Variants in KIAA0930 observed in about 807,000 individuals in gnomAD.
KIAA0930 encodes uncharacterized protein KIAA0930.
In KIAA0930, 24 loss-of-function variants were observed where a neutral mutation model predicts 43.9. That is an observed-to-expected ratio of 0.55 (90% CI 0.40 to 0.77). The LOEUF is 0.77. Ranked by LOEUF, KIAA0930 falls within the 30% of genes least tolerant of loss-of-function variation. The pLI, the probability that KIAA0930 is intolerant of heterozygous loss-of-function variation, is 0.00. For synonymous variants in KIAA0930, 259 were observed against 216.4 expected, an observed-to-expected ratio of 1.20 and a Z score of -1.73; for missense variants, 461 against 574.2, an observed-to-expected ratio of 0.80 and a Z score of 2.02.
chr22:45,214,833 C>T (rs2083721554), intron 1 of KIAA0930, among the ~76,000 whole-genome samples: 1 of 152,110 alleles, frequency 6.6e-6, no homozygotes, highest in Non-Finnish European at 1.5e-5. Flanking sequence ...CACTTGAGCC[C>T]AGGAGTTCGA....
chr22:45,197,493 G>A lies in KIAA0930; in HGVS notation c.1175-277C>T, dbSNP rs570423605. On this transcript the variant is annotated intron_variant, in intron 9 of 9. Transcript: ENST00000336156. Reference sequence around the variant, plus strand: ...TCACAGCTGCTGCAGGCCTGGGTCAGCGAGGTGGCCTGAGAGCCTCCCCTC... The same window carrying A: ...TCACAGCTGCTGCAGGCCTGGGTCAACGAGGTGGCCTGAGAGCCTCCCCTC... Among the ~76,000 whole-genome samples the A allele has an allele frequency of 5.9e-5, 9 of 152,346 alleles. No homozygotes were observed. The East Asian group carries it at 1.7e-3, about 29-fold the overall frequency.
intron 1 of KIAA0930, among the ~76,000 whole-genome samples, chr22:45,228,192 C>G (rs941820662): frequency 2.6e-5 from 4 of 152,102 alleles, no homozygotes; most frequent in Non-Finnish European, 4.4e-5. Flanking sequence ...GCTTGTCTTG[C>G]TTCCTTCACT....
Position 45,203,911 on chromosome 22 carries a change from C to A in KIAA0930, c.591G>T (p.Thr197=), listed in dbSNP as rs758379329. Residue 197 remains threonine (T), a synonymous_variant, in exon 6 of 10, where the codon ACG becomes ACT. Transcript: ENST00000336156. ...AGCCCTGAAAGATGACCCCCTGGAA[C>A]GTGTTGGTTTTGTCACTAGCCACCA... The part of the protein sequence containing the change: ...VELVASDKTN[T]FQGVIFQGSI... The A allele has an allele frequency of 2.0e-5, 32 of 1,613,782 alleles. No individual in the cohort carries two copies. Among genetic ancestry groups the A allele is most frequent in the Non-Finnish European group, 2.5e-5 (29 of 1,179,952 alleles).
At chr22:45,199,404 C>T (rs1270781280) in intron 8 of KIAA0930, among the ~76,000 whole-genome samples, 1 of 152,128 alleles carries the variant, frequency 6.6e-6, no homozygotes, top group Non-Finnish European at 1.5e-5. Flanking sequence ...ACTGTGTCAC[C>T]AAAGAGCACG....
chr22:45,219,661 G>A (rs892780589), intron 1 of KIAA0930, among the ~76,000 whole-genome samples: 7 of 139,574 alleles, frequency 5.0e-5, no homozygotes, highest in Admixed American at 8.0e-5. Context: ...ATGTGATCTC[G>A]GCTCACTGCA....
At chr22:45,202,939 A>C (rs1167293970) in intron 7 of KIAA0930, 51 bp downstream of exon 7, 3 of 1,478,386 alleles carry the variant, frequency 2.0e-6, no homozygotes, top group Non-Finnish European at 2.8e-6. Context: ...GAGACGGTGG[A>C]AAGTGAACTT....
chr22:45,199,700 C>T (rs2083569276), intron 8 of KIAA0930, among the ~76,000 whole-genome samples, 173 bp downstream of exon 8: 1 of 152,178 alleles, frequency 6.6e-6, no homozygotes, highest in Admixed American at 6.5e-5. Context: ...GCCATTTCTG[C>T]CTGTCCCCAG....
At chr22:45,220,296 T>C (rs2083759606) in intron 1 of KIAA0930, among the ~76,000 whole-genome samples, 1 of 151,752 alleles carries the variant, frequency 6.6e-6, no homozygotes, top group Non-Finnish European at 1.5e-5. Flanking sequence ...CTACTAAAAA[T>C]ACAAAAAAAT....
At position 45,234,802 on chromosome 22, in the gene KIAA0930, G is replaced by A. The variant is rs546501902; in HGVS notation, c.64+5838C>T. ...CAGGCATTTAATGTTTGGAGTCTGA[G>A]CAACATGGGAAATGTGTTAGGAACC... On this transcript the variant is annotated intron_variant, in intron 1 of 9. Coordinates refer to ENST00000336156, the MANE Select transcript of KIAA0930 (RefSeq NM_001009880.2). Among the ~76,000 whole-genome samples, 8 of 152,324 alleles carry A rather than the reference G, an allele frequency of 5.3e-5. 1 individual carries two copies. The highest frequency in any genetic ancestry group is 1.7e-4 in the African/African-American group (7 of 41,570).
intron 1 of KIAA0930, among the ~76,000 whole-genome samples, chr22:45,214,050 G>A (rs2083716227): frequency 6.6e-6 from 1 of 151,982 alleles, no homozygotes; most frequent in African/African-American, 2.4e-5. Flanking sequence ...GGTGGCAGGC[G>A]CCTGTAGTCC....
intron 1 of KIAA0930, among the ~76,000 whole-genome samples, chr22:45,236,553 T>A (rs2083889806): frequency 6.6e-6 from 1 of 151,760 alleles, no homozygotes; most frequent in Non-Finnish European, 1.5e-5. Flanking sequence ...TCCACTGGGG[T>A]CCTGCCTCCA....
At chr22:45,219,589 T>G (rs1317295203) in intron 1 of KIAA0930, among the ~76,000 whole-genome samples, 36 of 135,392 alleles carry the variant, frequency 2.7e-4, no homozygotes, top group African/African-American at 1.1e-3. Context: ...ATTGTTTTTT[T>G]TTTTTTTTTT....
chr22:45,200,105 C>CT (rs1318778103), intron 7 of KIAA0930, 70 bp from the exon 8 acceptor site: 6 of 1,437,512 alleles, frequency 4.2e-6, no homozygotes, highest in East Asian at 5.3e-5. Flanking sequence ...AACGCCCCTC[C>CT]TATCCCACCC....
In KIAA0930 at chr22:45,212,016, A is replaced by T; in HGVS notation, c.156T>A (p.Leu52=). 1 of 1,613,752 alleles carries T rather than the reference A, an allele frequency of 6.2e-7. No homozygotes were observed. The highest frequency in any genetic ancestry group is 8.5e-7 in the Non-Finnish European group (1 of 1,180,002). Residue 52 remains leucine (L), a synonymous_variant, in exon 2 of 10, where the codon CTT becomes CTA. Transcript: ENST00000336156. ...ACGCCAGCTTCCGGCGCACATAGAAAAGCATGTCGTCCTGCCGGGGAGCCC... is the reference window on the plus strand; with the variant it reads ...ACGCCAGCTTCCGGCGCACATAGAATAGCATGTCGTCCTGCCGGGGAGCCC... ...EKWAPRQDDM[L]FYVRRKLAYS... is the part of the protein sequence containing the mutation.
chr22:45,222,509 T>G (rs560701753), intron 1 of KIAA0930, among the ~76,000 whole-genome samples: 1 of 152,020 alleles, frequency 6.6e-6, no homozygotes, highest in Non-Finnish European at 1.5e-5. Flanking sequence ...GAGGTCTCAC[T>G]ATGTTGCCCA....
intron 6 of KIAA0930, among the ~76,000 whole-genome samples, 189 bp downstream of exon 6, chr22:45,203,656 C>A (rs1375642862): frequency 6.6e-6 from 1 of 152,154 alleles, no homozygotes; most frequent in African/African-American, 2.4e-5. Context: ...TGGGCTGAGG[C>A]CGACCATGAA....
chr22:45,228,638 C>T (rs1289796898), intron 1 of KIAA0930, among the ~76,000 whole-genome samples: 1 of 151,836 alleles, frequency 6.6e-6, no homozygotes, highest in African/African-American at 2.4e-5. Flanking sequence ...CAATACCTCG[C>T]TCAAGGGCCA....
Position 45,194,052 on chromosome 22 carries a change from C to CTTTTTTTTTTTTTTTTTTTTTTT in KIAA0930, c.*3101_*3123dup, listed in dbSNP as rs71190644. 1 of 44,346 alleles carries CTTTTTTTTTTTTTTTTTTTTTTT rather than the reference C, an allele frequency of 2.3e-5. No individual in the cohort carries two copies. Among genetic ancestry groups the CTTTTTTTTTTTTTTTTTTTTTTT allele is most frequent in the African/African-American group, 9.1e-5 (1 of 11,034 alleles). 2.7% of individuals were successfully genotyped at this position (44,346 alleles called of 1,614,324 possible). ...GGTTTGGGTTTAAAGACCAATGTAT[C>CTTTTTTTTTTTTTTTTTTTTTTT]TTTTTTTTTTTTTTTTTTTTTTTTT... On this transcript the variant is annotated 3_prime_UTR_variant, in exon 10 of 10. Coordinates refer to ENST00000336156, the MANE Select transcript of KIAA0930 (RefSeq NM_001009880.2).
At chr22:45,231,977 C>T (rs374601709) in intron 1 of KIAA0930, among the ~76,000 whole-genome samples, 3 of 152,092 alleles carry the variant, frequency 2.0e-5, no homozygotes, top group Non-Finnish European at 2.9e-5. Flanking sequence ...GGTGACAGAG[C>T]GAGACTCCCT....
Sources: allele counts gnomAD v4.1 joint callset (sites outside exome capture counted in the v4.1 genomes callset), GRCh38; gene constraint gnomAD v4.1.1; transcripts MANE v1.5; gene names NCBI Gene and HGNC (gene_info 2026-07-23, HGNC 2026-07-21).